GPHN: variants seen among roughly 807,000 people sequenced by gnomAD.
The protein encoded by GPHN is gephyrin.
Under a neutral mutation model 95.5 loss-of-function variants are expected in GPHN, and 17 were observed. The ratio of observed to expected loss-of-function variants is 0.18; its 90% CI spans 0.12 to 0.27. GPHN has a LOEUF of 0.27. Among genes scored for constraint, GPHN ranks in the 10% least tolerant of loss-of-function variants. GPHN has a pLI of 1.00. For missense variants in GPHN, 660 were observed against 978.1 expected, an observed-to-expected ratio of 0.67 and a Z score of 4.34; for synonymous variants, 320 against 322.5, an observed-to-expected ratio of 0.99 and a Z score of 0.08.
chr14:66,787,720 A>G (rs1169288143), intron 3 of GPHN, among the ~76,000 whole-genome samples: 1 of 152,104 alleles, frequency 6.6e-6, no homozygotes, highest in Non-Finnish European at 1.5e-5. Flanking sequence ...AAAGCAGTTC[A>G]ATGGAGAATA....
chr14:66,966,772 C>T (rs943908361), intron 9 of GPHN, among the ~76,000 whole-genome samples: 3 of 151,872 alleles, frequency 2.0e-5, no homozygotes, highest in African/African-American at 7.2e-5. Flanking sequence ...GGCATAGTTG[C>T]TTTTCCTTAA....
chr14:67,234,819 T>G, the GPHN span, among the ~76,000 whole-genome samples: 47,421 of 150,584 alleles, frequency 0.31, 11,493 homozygotes, highest in African/African-American at 0.66. Flanking sequence ...CAAAGTGCTA[T>G]GCTAACAGGC....
chr14:67,029,486 C>T lies in GPHN; in HGVS notation c.1006+5811C>T, dbSNP rs548203029. On this transcript the variant is annotated intron_variant, in intron 10 of 22. Coordinates refer to ENST00000478722, the MANE Select transcript of GPHN (RefSeq NM_020806.5). ...CCAAGTAGCTGGGATTACAGGCATG[C>T]GCCACCACACCCAGCTAATTTCGTA... Among the ~76,000 whole-genome samples the T allele has an allele frequency of 8.6e-5, 13 of 152,022 alleles. No individual in the cohort carries two copies. In the South Asian group the frequency reaches 1.2e-3, roughly 15 times the overall value.
chr14:67,447,664 CT>C, the GPHN span: 1 of 152,208 alleles, frequency 6.6e-6, no homozygotes, highest in Non-Finnish European at 1.5e-5. Flanking sequence ...AGACCGGCTT[CT>C]GTGAGTGGCA....
the GPHN span, among the ~76,000 whole-genome samples, chr14:67,211,881 T>C: frequency 6.6e-6 from 1 of 152,132 alleles, no homozygotes; most frequent in Non-Finnish European, 1.5e-5. Flanking sequence ...TATATATTGA[T>C]AAAAAACAGA....
the GPHN span, among the ~76,000 whole-genome samples, chr14:67,416,078 A>T: frequency 1.3e-5 from 2 of 152,244 alleles, no homozygotes. Flanking sequence ...ACCATGGCAC[A>T]CATTTACCTG....
chr14:66,753,729 C>A (rs1449457978), intron 2 of GPHN, among the ~76,000 whole-genome samples: 1 of 151,964 alleles, frequency 6.6e-6, no homozygotes, highest in Non-Finnish European at 1.5e-5. Context: ...CCTTATATAT[C>A]ATAAAATTTA....
chr14:67,040,656 T>G (rs987596080), intron 10 of GPHN, among the ~76,000 whole-genome samples: 2 of 152,190 alleles, frequency 1.3e-5, no homozygotes, highest in Non-Finnish European at 2.9e-5. Context: ...TTTGTCTTTG[T>G]CTTTCATTAC....
At chr14:67,087,346 T>G (rs1197852466) in intron 11 of GPHN, among the ~76,000 whole-genome samples, 1 of 152,144 alleles carries the variant, frequency 6.6e-6, no homozygotes, top group Non-Finnish European at 1.5e-5. Flanking sequence ...TAAGGAACCA[T>G]CCCATGAGGT....
intron 1 of GPHN, among the ~76,000 whole-genome samples, chr14:66,548,516 G>A (rs1432445785): frequency 6.6e-6 from 1 of 152,160 alleles, no homozygotes; most frequent in Non-Finnish European, 1.5e-5. Context: ...CATGAACTGT[G>A]TCCATATAAT....
intron 2 of GPHN, among the ~76,000 whole-genome samples, chr14:66,683,346 A>G (rs865791788): frequency 1.6e-4 from 15 of 91,860 alleles, no homozygotes; most frequent in South Asian, 3.5e-4. Flanking sequence ...ATATATATAT[A>G]TATATATATA....
At chr14:66,956,716 A>C (rs1596502433) in intron 8 of GPHN, among the ~76,000 whole-genome samples, 1 of 152,038 alleles carries the variant, frequency 6.6e-6, no homozygotes, top group East Asian at 1.9e-4. Context: ...ACCTTTGCCC[A>C]CTTTTTGATG....
At chr14:67,102,887 A>G (rs1004863948) in intron 13 of GPHN, among the ~76,000 whole-genome samples, 41 of 152,168 alleles carry the variant, frequency 2.7e-4, no homozygotes, top group African/African-American at 9.7e-4. Flanking sequence ...ATTCGCATGC[A>G]ACTCTCTGAA....
chr14:66,945,768 A>C (rs957873834), intron 8 of GPHN, among the ~76,000 whole-genome samples: 9 of 152,194 alleles, frequency 5.9e-5, no homozygotes, highest in African/African-American at 2.2e-4. Context: ...GAGAGCATTA[A>C]CAGTTCTCTG....
At chr14:67,362,534 C>A in the GPHN span, among the ~76,000 whole-genome samples, 1 of 152,074 alleles carries the variant, frequency 6.6e-6, no homozygotes, top group Non-Finnish European at 1.5e-5. Context: ...TGAGAAACTA[C>A]AGTTCAAAGG....
At chr14:67,533,085 G>A in the GPHN span, among the ~76,000 whole-genome samples, 1 of 152,156 alleles carries the variant, frequency 6.6e-6, no homozygotes, top group Non-Finnish European at 1.5e-5. Flanking sequence ...GTGCCTCTCC[G>A]CGAGCTGCCT....
the GPHN span, among the ~76,000 whole-genome samples, chr14:67,608,321 G>T: frequency 1.3e-5 from 2 of 152,132 alleles, 1 homozygote; most frequent in Non-Finnish European, 2.9e-5. Context: ...ATCAATACAG[G>T]ATAATGGCTA....
the GPHN span, among the ~76,000 whole-genome samples, chr14:67,539,833 T>A: frequency 6.6e-6 from 1 of 152,214 alleles, no homozygotes; most frequent in Non-Finnish European, 1.5e-5. Context: ...CAACAGTGCT[T>A]ACCTATTGTT....
At chr14:66,877,847 C>A (rs1487000699) in intron 4 of GPHN, among the ~76,000 whole-genome samples, 4 of 152,168 alleles carry the variant, frequency 2.6e-5, no homozygotes, top group Non-Finnish European at 5.9e-5. Flanking sequence ...ATCAAGCTAC[C>A]ACTGACTTTC....
Sources: gnomAD v4.1 joint callset for allele counts (sites outside exome capture counted in the v4.1 genomes callset) on GRCh38, gnomAD v4.1.1 for gene constraint, MANE v1.5 for transcripts, NCBI Gene and HGNC (gene_info 2026-07-23, HGNC 2026-07-21) for gene names.